The following SGMS1 variants were observed in gnomAD, a reference collection of about 807,000 sequenced individuals.
SGMS1 encodes sphingomyelin synthase 1, also known as phosphatidylcholine:ceramide cholinephosphotransferase 1.
In SGMS1, 13 loss-of-function variants were observed where a neutral mutation model predicts 46.2. The ratio of observed to expected loss-of-function variants is 0.28; its 90% confidence interval spans 0.18 to 0.45. The LOEUF (loss-of-function observed/expected upper bound fraction) is 0.45, where lower values mean the gene tolerates loss of function less well. Ranked by LOEUF, SGMS1 falls within the 20% of genes least tolerant of loss-of-function variation. SGMS1 has a pLI of 1.00. For synonymous variants in SGMS1, 203 were observed against 187.8 expected (o/e 1.08, Z -0.66); for missense variants, 324 against 519.9 (o/e 0.62, Z 3.66).
rs1837252545 is a variant in SGMS1 at position 50,460,654 on chromosome 10, G to A, written c.-313+19C>T. On this transcript the variant is annotated intron_variant, in intron 5 of 10. Transcript: ENST00000361781. ...GTGGGCCACATCAGGTTCAATCCAA[G>A]TTCTCCGTCAATACATACCTGCAAC... 1 of 152,224 alleles carries A rather than the reference G, an allele frequency of 6.6e-6. No individual in the cohort carries two copies. The highest frequency in any genetic ancestry group is 2.4e-5 in the African/African-American group (1 of 41,430). The allele number at this position is 152,224 out of a possible 1,614,324, so 9.4% of individuals were successfully genotyped here. A position where few individuals can be genotyped will look rare whatever the true frequency, so the allele number is the denominator to read the frequency against.
intron 2 of SGMS1, among the ~76,000 whole-genome samples, chr10:50,548,144 C>T (rs1034161664): frequency 5.9e-5 from 9 of 152,112 alleles, no homozygotes; most frequent in Non-Finnish European, 1.2e-4. Context: ...TTAGTCCATT[C>T]TCACACTGCT....
chr10:50,613,853 T>G (rs1486786710), intron 1 of SGMS1, among the ~76,000 whole-genome samples: 1 of 152,232 alleles, frequency 6.6e-6, no homozygotes, highest in Non-Finnish European at 1.5e-5. Flanking sequence ...ATAATAACTA[T>G]TCATACTTCT....
chr10:50,549,779 G>A (rs923797683), intron 2 of SGMS1, among the ~76,000 whole-genome samples: 1 of 152,160 alleles, frequency 6.6e-6, no homozygotes, highest in African/African-American at 2.4e-5. Flanking sequence ...GCAGATTAAA[G>A]TGTAGTCACA....
At chr10:50,466,993 A>C (rs1837335940) in intron 3 of SGMS1, 61 bp from the exon 4 acceptor site, 1 of 152,228 alleles carries the variant, frequency 6.6e-6, no homozygotes, top group Non-Finnish European at 1.5e-5. Flanking sequence ...CTTATAAGAA[A>C]AAAAACTAAA....
Position 50,305,841 on chromosome 10 carries a change from T to C in SGMS1, c.*1301A>G, listed in dbSNP as rs970742172. ...TGCTGCACGTAAAATACAGAATGGA[T>C]ATATATACTTCTTCATTCTTAAAAA... On this transcript the variant is annotated 3_prime_UTR_variant, in exon 11 of 11. Transcript: ENST00000361781. 6.5e-6 allele frequency: 1 copy of C among 152,722 alleles called. No individual in the cohort carries two copies. The highest frequency in any genetic ancestry group is 2.4e-5 in the African/African-American group (1 of 41,468). 9.5% of individuals were successfully genotyped at this position (152,722 alleles called of 1,614,324 possible).
chr10:50,602,202 A>C (rs1011536320), intron 1 of SGMS1, among the ~76,000 whole-genome samples: 2 of 152,180 alleles, frequency 1.3e-5, no homozygotes, highest in African/African-American at 4.8e-5. Flanking sequence ...GCTGTCAATC[A>C]ATGATCCTGT....
At chr10:50,317,535 C>T (rs1352021579) in intron 8 of SGMS1, among the ~76,000 whole-genome samples, 1 of 152,144 alleles carries the variant, frequency 6.6e-6, no homozygotes, top group African/African-American at 2.4e-5. Flanking sequence ...ACAATCTTGC[C>T]TTTAGGTCCC....
At chr10:50,528,541 C>T (rs936318924) in intron 2 of SGMS1, among the ~76,000 whole-genome samples, 27 of 152,204 alleles carry the variant, frequency 1.8e-4, no homozygotes, top group African/African-American at 5.5e-4. Context: ...TGGCACCAAT[C>T]AGAATTTCAT....
chr10:50,465,959 C>T (rs958524093), intron 4 of SGMS1, among the ~76,000 whole-genome samples: 16 of 151,854 alleles, frequency 1.1e-4, no homozygotes, highest in African/African-American at 3.9e-4. Context: ...GACATTAATA[C>T]TTATCTAAAT....
At chr10:50,389,505 T>C (rs7092749) in intron 6 of SGMS1, among the ~76,000 whole-genome samples, 38,976 of 152,070 alleles carry the variant, frequency 0.26, 5,319 homozygotes, top group African/African-American at 0.33. Context: ...AATCAAAGTG[T>C]TTTACTTAAG....
intron 2 of SGMS1, among the ~76,000 whole-genome samples, chr10:50,574,963 G>GTATGTATATATATATATA (rs1554793450): frequency 2.2e-4 from 22 of 99,876 alleles, no homozygotes; most frequent in African/African-American, 6.2e-4. Flanking sequence ...AAAATGTGGT[G>GTATGTATATATATATATA]TATATATATA....
chr10:50,579,998 T>C (rs1355450276), intron 2 of SGMS1, among the ~76,000 whole-genome samples: 2 of 152,172 alleles, frequency 1.3e-5, no homozygotes, highest in Non-Finnish European at 2.9e-5. Flanking sequence ...GAAATTTACA[T>C]AGAAGGCTGT....
intron 6 of SGMS1, among the ~76,000 whole-genome samples, chr10:50,392,308 C>T (rs528644225): frequency 2.0e-5 from 3 of 151,880 alleles, no homozygotes; most frequent in Non-Finnish European, 4.4e-5. Flanking sequence ...ATTAGAAAAA[C>T]AAAATAGAAT....
chr10:50,339,973 G>C (rs1356371212), intron 7 of SGMS1, among the ~76,000 whole-genome samples: 1 of 152,080 alleles, frequency 6.6e-6, no homozygotes, highest in Non-Finnish European at 1.5e-5. Context: ...AAATAGAAAT[G>C]GAAAGAAGAA....
intron 2 of SGMS1, among the ~76,000 whole-genome samples, chr10:50,543,645 G>A (rs188230312): frequency 1.3e-5 from 2 of 152,344 alleles, no homozygotes; most frequent in African/African-American, 4.8e-5. Context: ...ATTGGGAGCA[G>A]TTGCTTCTGC....
intron 6 of SGMS1, among the ~76,000 whole-genome samples, chr10:50,404,292 C>CTTGTT (rs1325394441): frequency 6.6e-5 from 10 of 151,374 alleles, no homozygotes; most frequent in African/African-American, 1.9e-4. Flanking sequence ...AAGACATAAT[C>CTTGTT]TTGTTTTGTT....
At chr10:50,337,002 A>T (rs1221564790) in intron 7 of SGMS1, among the ~76,000 whole-genome samples, 2 of 152,314 alleles carry the variant, frequency 1.3e-5, no homozygotes, top group East Asian at 3.9e-4. Flanking sequence ...ACATGTGTGG[A>T]GGGAATAGAA....
At chr10:50,622,054 C>G (rs942465152) in intron 1 of SGMS1, among the ~76,000 whole-genome samples, 1 of 152,234 alleles carries the variant, frequency 6.6e-6, no homozygotes, top group Non-Finnish European at 1.5e-5. Flanking sequence ...GAGGTTCCCC[C>G]AAAGCTGGCG....
At position 50,543,363 on chromosome 10, in the gene SGMS1, A is replaced by G. The variant is rs1289745766; in HGVS notation, c.-588-23442T>C. Reference sequence around the variant, plus strand: ...CCAAGAGCTGGCCCTCAATCAAGTTATTTCAAAAAGCCAAGGTGAGTAGAT... The same window carrying G: ...CCAAGAGCTGGCCCTCAATCAAGTTGTTTCAAAAAGCCAAGGTGAGTAGAT... On this transcript the variant is annotated intron_variant, in intron 2 of 10. Transcript: ENST00000361781. Among the ~76,000 whole-genome samples the G allele has an allele frequency of 1.2e-4, 18 of 152,268 alleles. 1 individual carries two copies. Among genetic ancestry groups the G allele is most frequent in the Admixed American group, 1.2e-3 (18 of 15,286 alleles).
Sources: gnomAD v4.1 joint callset for allele counts (sites outside exome capture counted in the v4.1 genomes callset) on GRCh38, gnomAD v4.1.1 for gene constraint, MANE v1.5 for transcripts, NCBI Gene and HGNC (gene_info 2026-07-23, HGNC 2026-07-21) for gene names.